ZNF420: variants seen among roughly 807,000 people sequenced by gnomAD.
ZNF420 encodes zinc finger protein 420.
ZNF420 carries 31 observed loss-of-function variants against 44.7 expected under a neutral mutation model. That is an observed-to-expected ratio of 0.69 (90% confidence interval 0.52 to 0.94). The LOEUF is 0.94. Among genes scored for constraint, ZNF420 ranks in the 40% least tolerant of loss-of-function variants. ZNF420 has a pLI of 0.00. For missense variants in ZNF420, 681 were observed against 827.9 expected (o/e 0.82, Z 2.18); for synonymous variants, 245 against 267.4 (o/e 0.92, Z 0.82).
Position 37,063,134 on chromosome 19 carries a change from G to C in ZNF420, c.-124-17211G>C, listed in dbSNP as rs144363525. Reference sequence around the variant, plus strand: ...TCCAATCACAAACTTACAGAAAGTTGCAAGTATAGCACCAGGAACTTTCTT... The same window carrying C: ...TCCAATCACAAACTTACAGAAAGTTCCAAGTATAGCACCAGGAACTTTCTT... On this transcript the variant is annotated intron_variant, in intron 1 of 4. Transcript: ENST00000587029. Among the ~76,000 whole-genome samples, 115 of 152,208 alleles carry C rather than the reference G, an allele frequency of 7.6e-4. 1 individual carries two copies. In the East Asian group the frequency reaches 0.018, roughly 24 times the overall value.
rs1390311746 is a variant in ZNF420 at position 37,129,739 on chromosome 19, T to C, written c.*681T>C. The stretch of plus-strand genomic sequence containing the variant: ...AAAAAAACCCAGTGGATATAATCAG[T>C]GTATTATTAAAAAAAAAAAAACCCA... On this transcript the variant is annotated 3_prime_UTR_variant, in exon 5 of 5. Transcript: ENST00000337995. 1.3e-5 allele frequency: 2 copies of C among 150,098 alleles called. No homozygotes were observed. The highest frequency in any genetic ancestry group is 2.4e-5 in the Non-Finnish European group (2 of 82,116). The allele number at this position is 150,098 out of a possible 1,614,324, so 9.3% of individuals were successfully genotyped here.
chr19:37,023,566 G>A (rs557793159), intron 1 of ZNF420, among the ~76,000 whole-genome samples: 6 of 152,132 alleles, frequency 3.9e-5, no homozygotes, highest in South Asian at 2.1e-4. Context: ...GGGTTTTGCC[G>A]TGTTGGCCAG....
chr19:37,125,444 G>A (rs1376296538), intron 4 of ZNF420, among the ~76,000 whole-genome samples: 1 of 152,164 alleles, frequency 6.6e-6, no homozygotes, highest in Non-Finnish European at 1.5e-5. Flanking sequence ...TTGTTTCTAT[G>A]TGTAAGGAAG....
Position 37,048,333 on chromosome 19 carries a change from T to C in ZNF420, c.-124-32012T>C, listed in dbSNP as rs560779059. ...AATTAATTGATGTGACACACATTAA[T>C]TCATGATTATTTTCTTAATGAATTG... On this transcript the variant is annotated intron_variant, in intron 1 of 4. Coordinates refer to the ZNF420 transcript ENST00000587029. Among the ~76,000 whole-genome samples the C allele has an allele frequency of 1.1e-3, 160 of 152,360 alleles. 1 individual carries two copies. Among genetic ancestry groups the C allele is most frequent in the African/African-American group, 3.7e-3 (153 of 41,592 alleles).
At chr19:37,109,626 T>A (rs565167583) in intron 4 of ZNF420, 3 of 152,356 alleles carry the variant, frequency 2.0e-5, no homozygotes, top group Admixed American at 2.0e-4. Flanking sequence ...GTGCTTTTCT[T>A]TGCATCTCCG....
At chr19:37,040,841 CAA>C (rs951456212) in intron 1 of ZNF420, among the ~76,000 whole-genome samples, 6 of 152,072 alleles carry the variant, frequency 3.9e-5, no homozygotes, top group Non-Finnish European at 7.4e-5. Flanking sequence ...AGATGTAAGA[CAA>C]GTGTTTATTA....
At chr19:37,077,419 G>C (rs567246987), upstream of ZNF420, among the ~76,000 whole-genome samples, 1 of 152,222 alleles carries the variant, frequency 6.6e-6, no homozygotes, top group South Asian at 2.1e-4. Flanking sequence ...TCTACTTTTG[G>C]CCTGCTGTGG....
intron 1 of ZNF420, among the ~76,000 whole-genome samples, chr19:37,012,523 C>T (rs898816746): frequency 2.0e-5 from 3 of 152,186 alleles, no homozygotes; most frequent in African/African-American, 7.2e-5. Context: ...GAGGTCCGAC[C>T]AGGATGATGA....
At chr19:37,085,940 TTATTATTATTATTA>T (rs1568445701) in intron 2 of ZNF420, among the ~76,000 whole-genome samples, 72 of 21,058 alleles carry the variant, frequency 3.4e-3, no homozygotes, top group African/African-American at 9.9e-3. Flanking sequence ...TGATGTTTTA[TTATTATTATTATTA>T]TTATTATTAT....
At chr19:37,065,399 C>T (rs1477276625) in intron 1 of ZNF420, among the ~76,000 whole-genome samples, 1 of 152,192 alleles carries the variant, frequency 6.6e-6, no homozygotes. Context: ...TCCTAACCCT[C>T]AGCTTTTTCC....
intron 1 of ZNF420, among the ~76,000 whole-genome samples, chr19:37,031,482 C>G (rs1180706489): frequency 6.6e-6 from 1 of 151,964 alleles, no homozygotes; most frequent in Non-Finnish European, 1.5e-5. Flanking sequence ...CCTTGCTTCT[C>G]TTTGTAATTT....
intron 4 of ZNF420, among the ~76,000 whole-genome samples, chr19:37,111,003 A>G (rs921539387): frequency 2.0e-5 from 3 of 152,174 alleles, no homozygotes; most frequent in Admixed American, 6.5e-5. Flanking sequence ...AGGGACAACT[A>G]TTTTGTCTGG....
chr19:37,022,067 A>G (rs2074654360), intron 1 of ZNF420, among the ~76,000 whole-genome samples: 1 of 151,462 alleles, frequency 6.6e-6, no homozygotes. Context: ...CTTATGTGTG[A>G]TTATATGACA....
chr19:37,072,924 A>G (rs1968081804), intron 1 of ZNF420, among the ~76,000 whole-genome samples: 1 of 152,204 alleles, frequency 6.6e-6, no homozygotes, highest in African/African-American at 2.4e-5. Context: ...TAAAACATGA[A>G]AAAAACAGAT....
At chr19:37,108,703 T>C (rs1187429326) in intron 4 of ZNF420, among the ~76,000 whole-genome samples, 2 of 152,128 alleles carry the variant, frequency 1.3e-5, no homozygotes, top group Non-Finnish European at 2.9e-5. Flanking sequence ...TTCCTTTTTC[T>C]CCCCATTCCC....
At chr19:37,055,890 A>C (rs1967742009) in intron 1 of ZNF420, among the ~76,000 whole-genome samples, 1 of 152,128 alleles carries the variant, frequency 6.6e-6, no homozygotes, top group Non-Finnish European at 1.5e-5. Flanking sequence ...GAGTCTCCCC[A>C]AAAGTCGTGC....
At chr19:37,061,327 A>G (rs866852639) in intron 1 of ZNF420, among the ~76,000 whole-genome samples, 1 of 152,246 alleles carries the variant, frequency 6.6e-6, no homozygotes, top group Non-Finnish European at 1.5e-5. Context: ...CATGTCTTCT[A>G]TAGAGTAACT....
intron 1 of ZNF420, among the ~76,000 whole-genome samples, chr19:37,018,741 T>A (rs542655791): frequency 1.3e-5 from 2 of 152,240 alleles, no homozygotes; most frequent in South Asian, 2.1e-4. Context: ...TGAATTTTTT[T>A]ATATTTTTAG....
chr19:37,128,418 A>T lies in ZNF420; in HGVS notation c.1427A>T (p.Glu476Val). Reference sequence around the variant, plus strand: ...ATTCACACAGGTGAGAAACCCTATGAATGTAAGGAATGTGGGAAATCTTTT... The same window carrying T: ...ATTCACACAGGTGAGAAACCCTATGTATGTAAGGAATGTGGGAAATCTTTT... Reference protein sequence around the residue: ...ERIHTGEKPYECKECGKSFIR... With the variant: ...ERIHTGEKPYVCKECGKSFIR... Residue 476 changes from glutamate to valine, a missense_variant, in exon 5 of 5, where the codon GAA (glutamate) becomes GTA (valine). Glu to Val is a moderately radical substitution (Grantham distance 121, BLOSUM62 -2). Coordinates refer to ENST00000337995, the MANE Select transcript of ZNF420 (RefSeq NM_144689.5). The T allele has an allele frequency of 6.2e-7, 1 of 1,614,072 alleles. No individual in the cohort carries two copies. The highest frequency in any genetic ancestry group is 1.1e-5 in the South Asian group (1 of 91,078).
Sources: gnomAD v4.1 joint callset for allele counts (sites outside exome capture counted in the v4.1 genomes callset) on GRCh38, gnomAD v4.1.1 for gene constraint, MANE v1.5 for transcripts, NCBI Gene and HGNC (gene_info 2026-07-23, HGNC 2026-07-21) for gene names.